Variants in KCNQ1 observed in about 807,000 individuals in gnomAD.
KCNQ1 encodes the protein potassium voltage-gated channel subfamily Q member 1, also known as potassium voltage-gated channel subfamily KQT member 1.
Under a neutral mutation model 72.4 loss-of-function variants are expected in KCNQ1, and 49 were observed. The ratio of observed to expected loss-of-function variants is 0.68; its 90% CI spans 0.54 to 0.86. KCNQ1 has a LOEUF of 0.86. Ranked by LOEUF, KCNQ1 falls within the 40% of genes least tolerant of loss-of-function variation. The probability of loss-of-function intolerance (pLI) is 0.00; values close to 1 mark genes in which losing one functional copy is unlikely to be tolerated. For synonymous variants in KCNQ1, 450 were observed against 412.6 expected (o/e 1.09, Z -1.10); for missense variants, 790 against 945.1 (o/e 0.84, Z 2.15).
rs1444843042 is a variant in KCNQ1 at position 2,613,996 on chromosome 11, C to T, written c.1393+25142C>T. On this transcript the variant is annotated intron_variant, in intron 10 of 15. Transcript: ENST00000155840. This position sits in a 1 kb window ranked among gnomAD's most constrained non-coding sequence, Gnocchi z 4.8. Reference sequence around the variant, plus strand: ...TCAACATCCATTCACAGAGATCTTTCTCATTGCATTGCTAAAGTTGCATAG... The same window carrying T: ...TCAACATCCATTCACAGAGATCTTTTTCATTGCATTGCTAAAGTTGCATAG... 2 of 398,490 alleles carry T rather than the reference C, an allele frequency of 5.0e-6. No individual in the cohort carries two copies. The highest frequency in any genetic ancestry group is 8.8e-6 in the Non-Finnish European group (2 of 226,072). 24.7% of individuals were successfully genotyped at this position (398,490 alleles called of 1,614,324 possible). A position where few individuals can be genotyped will look rare whatever the true frequency, so the allele number is the denominator to read the frequency against.
intron 15 of KCNQ1, among the ~76,000 whole-genome samples, chr11:2,842,590 A>C (rs2237898): frequency 0.13 from 19,082 of 152,230 alleles, 1,714 homozygotes; most frequent in East Asian, 0.26. Flanking sequence ...AAGTGTGTAC[A>C]AGGGTGCAGG....
chr11:2,520,467 C>T (rs1009228094), intron 1 of KCNQ1, among the ~76,000 whole-genome samples: 77 of 152,168 alleles, frequency 5.1e-4, no homozygotes, highest in Admixed American at 5.2e-4. Context: ...TTGGCGACCT[C>T]CAAACCCTGC....
Position 2,704,283 on chromosome 11 carries a change from C to G in KCNQ1, c.1514+42202C>G, listed in dbSNP as rs1409030531. 6.6e-6 allele frequency among the ~76,000 whole-genome samples: 1 copy of G among 152,266 alleles called. No homozygotes were observed. The highest frequency in any genetic ancestry group is 1.5e-5 in the Non-Finnish European group (1 of 68,052). On this transcript the variant is annotated intron_variant, in intron 11 of 15. Transcript: ENST00000155840. The surrounding 1 kb of genome is among the most constrained non-coding windows in gnomAD (Gnocchi z 4.3). ...CCTGTGTGTCGCCTGCACCTGCATT[C>G]CACTGGGGCTTCCCTTCCAACTTGA...
At chr11:2,584,512 T>G (rs1366478809) in intron 7 of KCNQ1, among the ~76,000 whole-genome samples, 1 of 150,700 alleles carries the variant, frequency 6.6e-6, no homozygotes, top group Non-Finnish European at 1.5e-5. Flanking sequence ...TTAGTGTGTG[T>G]GTTTGTGTGT....
rs1354459785 is a variant in KCNQ1 at position 2,703,673 on chromosome 11, CA to C, written c.1514+41593del. Among the ~76,000 whole-genome samples, 1 of 152,140 alleles carries C rather than the reference CA, an allele frequency of 6.6e-6. No individual in the cohort carries two copies. The highest frequency in any genetic ancestry group is 1.5e-5 in the Non-Finnish European group (1 of 68,034). ...GGGGCCCAGAGCCCCGGCGGTGTCCCAGGGGAAACACCAGTCCTCTTCTGCA... is the reference window on the plus strand; with the variant it reads ...GGGGCCCAGAGCCCCGGCGGTGTCCCGGGGAAACACCAGTCCTCTTCTGCA... On this transcript the variant is annotated intron_variant, in intron 11 of 15. Coordinates refer to ENST00000155840, the MANE Select transcript of KCNQ1 (RefSeq NM_000218.3). This position sits in a 1 kb window ranked among gnomAD's most constrained non-coding sequence, Gnocchi z 6.4.
intron 2 of KCNQ1, among the ~76,000 whole-genome samples, chr11:2,532,272 C>T (rs1404585639): frequency 6.6e-6 from 1 of 152,228 alleles, no homozygotes; most frequent in Non-Finnish European, 1.5e-5. Flanking sequence ...ATGGCGCTTC[C>T]TGGCCGTGCA....
chr11:2,739,208 C>T (rs941587437), intron 11 of KCNQ1, among the ~76,000 whole-genome samples: 9 of 152,240 alleles, frequency 5.9e-5, no homozygotes, highest in African/African-American at 1.7e-4. Flanking sequence ...GGCCCCCACC[C>T]ATCCTGGCTG....
chr11:2,553,237 C>G (rs1848014170), intron 2 of KCNQ1, among the ~76,000 whole-genome samples: 1 of 146,172 alleles, frequency 6.8e-6, no homozygotes, highest in South Asian at 2.2e-4. Flanking sequence ...ACAATTAAGT[C>G]AGTCTTATTT....
At chr11:2,530,901 G>C (rs941611087) in intron 2 of KCNQ1, among the ~76,000 whole-genome samples, 1 of 152,146 alleles carries the variant, frequency 6.6e-6, no homozygotes, top group Non-Finnish European at 1.5e-5. Context: ...TGTGAGACGT[G>C]AGATCCTGCC....
At chr11:2,625,832 G>A (rs1404467590) in intron 10 of KCNQ1, 1 of 398,590 alleles carries the variant, frequency 2.5e-6, no homozygotes. Flanking sequence ...GCCTCCCAAA[G>A]TACTGGGATT....
chr11:2,528,139 G>A, intron 2 of KCNQ1, 121 bp downstream of exon 2: 1 of 874,508 alleles, frequency 1.1e-6, no homozygotes, highest in Non-Finnish European at 1.9e-6. Flanking sequence ...CCACACATTG[G>A]TCCTGCCCTG....
intron 11 of KCNQ1, among the ~76,000 whole-genome samples, chr11:2,708,716 C>A (rs231903): frequency 6.6e-6 from 1 of 151,538 alleles, no homozygotes; most frequent in African/African-American, 2.4e-5. Flanking sequence ...ACGCGGGTTG[C>A]GGGGGGCGGT....
At chr11:2,706,915 A>G (rs1207520934) in intron 11 of KCNQ1, among the ~76,000 whole-genome samples, 2 of 152,090 alleles carry the variant, frequency 1.3e-5, no homozygotes, top group Non-Finnish European at 2.9e-5. Context: ...TTTTGGGTGG[A>G]GTGGGTGGAG....
intron 11 of KCNQ1, chr11:2,666,023 G>A: frequency 2.5e-6 from 1 of 398,666 alleles, no homozygotes; most frequent in Non-Finnish European, 4.4e-6. Flanking sequence ...CCCATTGGTT[G>A]CACATGGATA....
In KCNQ1 at chr11:2,830,365, T is replaced by C. The variant is rs1847922683; in HGVS notation, c.1795-17402T>C. ...TCCCTGGGCAGGCATCCCAGAGCTA[T>C]GACCTGAATGATATCTTAGATGATC... On this transcript the variant is annotated intron_variant, in intron 15 of 15. Coordinates refer to ENST00000155840, the MANE Select transcript of KCNQ1 (RefSeq NM_000218.3). The surrounding 1 kb of genome is among the most constrained non-coding windows in gnomAD (Gnocchi z 7.7). Among the ~76,000 whole-genome samples the C allele has an allele frequency of 6.6e-6, 1 of 152,080 alleles. No individual in the cohort carries two copies. The highest frequency in any genetic ancestry group is 2.4e-5 in the African/African-American group (1 of 41,398).
In KCNQ1 at chr11:2,679,225, C is replaced by CAG. The variant is rs1395612054; in HGVS notation, c.1514+17147_1514+17148dup. The stretch of plus-strand genomic sequence containing the variant: ...CAGCCCCATCCATGTGAAGCTGGTC[C>CAG]AGAGGACTACAGCTGCCTGTCCCAC... On this transcript the variant is annotated intron_variant, in intron 11 of 15. Transcript: ENST00000155840. This position sits in a 1 kb window ranked among gnomAD's most constrained non-coding sequence, Gnocchi z 4.8. 2.0e-5 allele frequency: 8 copies of CAG among 398,508 alleles called. No individual in the cohort carries two copies. Among genetic ancestry groups the CAG allele is most frequent in the Non-Finnish European group, 4.4e-6 (1 of 226,082 alleles). 24.7% of individuals were successfully genotyped at this position (398,508 alleles called of 1,614,324 possible).
At chr11:2,685,258 G>A (rs1449942532) in intron 11 of KCNQ1, 9 of 398,572 alleles carry the variant, frequency 2.3e-5, no homozygotes, top group Non-Finnish European at 4.4e-6. Context: ...AAACTCCAGG[G>A]CACACGTGCC....
chr11:2,725,078 C>A lies in KCNQ1; in HGVS notation c.1515-43766C>A, dbSNP rs1163574328. 6.6e-6 allele frequency among the ~76,000 whole-genome samples: 1 copy of A among 152,200 alleles called. No individual in the cohort carries two copies. Among genetic ancestry groups the A allele is most frequent in the Non-Finnish European group, 1.5e-5 (1 of 68,042 alleles). ...GTCTGAGAAGCATCAGACAATGACT[C>A]CTAAACAAGCTCACGTCTTGAAGCA... On this transcript the variant is annotated intron_variant, in intron 11 of 15. Transcript: ENST00000155840. The surrounding 1 kb of genome is among the most constrained non-coding windows in gnomAD (Gnocchi z 7.2).
rs1360667815 is a variant in KCNQ1 at position 2,783,084 on chromosome 11, TA to T, written c.1794+5049del. ...TCAATCTCATGGCTTTCTAAATTTT[TA>T]AGGTATGCATTTAAGGTTATAAATT... On this transcript the variant is annotated intron_variant, in intron 15 of 15. Coordinates refer to ENST00000155840, the MANE Select transcript of KCNQ1 (RefSeq NM_000218.3). The surrounding 1 kb of genome is among the most constrained non-coding windows in gnomAD (Gnocchi z 5.2). Among the ~76,000 whole-genome samples, 1 of 152,234 alleles carries T rather than the reference TA, an allele frequency of 6.6e-6. No individual in the cohort carries two copies. The highest frequency in any genetic ancestry group is 1.5e-5 in the Non-Finnish European group (1 of 68,018).
Sources: allele counts gnomAD v4.1 joint callset (sites outside exome capture counted in the v4.1 genomes callset), GRCh38; gene constraint gnomAD v4.1.1; non-coding constraint Gnocchi (gnomAD v3.1); transcripts MANE v1.5; gene names NCBI Gene and HGNC (gene_info 2026-07-23, HGNC 2026-07-21).